The following CDH13 variants were observed in gnomAD, a reference collection of about 807,000 sequenced individuals.
CDH13 encodes the protein cadherin-13.
A neutral mutation model predicts 63.8 loss-of-function variants in CDH13; 24 were observed. That is an observed-to-expected ratio of 0.38 (90% CI 0.27 to 0.53). CDH13 has a LOEUF of 0.53. CDH13 is among the 20% of genes least tolerant of loss of function. The pLI is 0.85. For synonymous variants in CDH13, 503 were observed against 355.3 expected, an observed-to-expected ratio of 1.42 and a Z score of -4.67; for missense variants, 1,049 against 903.1, an observed-to-expected ratio of 1.16 and a Z score of -2.07.
At chr16:83,494,900 T>C (rs765075004) in intron 7 of CDH13, among the ~76,000 whole-genome samples, 1 of 152,234 alleles carries the variant, frequency 6.6e-6, no homozygotes, top group Admixed American at 6.5e-5. Context: ...ATCAACCTTA[T>C]TGGACATATG....
At chr16:83,391,936 C>T (rs555700159) in intron 6 of CDH13, among the ~76,000 whole-genome samples, 8 of 152,202 alleles carry the variant, frequency 5.3e-5, no homozygotes, top group African/African-American at 1.7e-4. Context: ...TTTTCTCCCC[C>T]ACCCAAAGAC....
intron 2 of CDH13, among the ~76,000 whole-genome samples, chr16:82,961,584 A>T: frequency 6.6e-6 from 1 of 151,588 alleles, no homozygotes; most frequent in Non-Finnish European, 1.5e-5. Context: ...AAAAAAAAAA[A>T]AAAAAAAAAA....
chr16:83,301,595 G>A (rs1222482762), intron 5 of CDH13, among the ~76,000 whole-genome samples: 4 of 152,216 alleles, frequency 2.6e-5, no homozygotes, highest in South Asian at 2.1e-4. Flanking sequence ...CTATCTTCTC[G>A]GATGTAAGAG....
At chr16:83,144,292 A>G (rs2036656150) in intron 4 of CDH13, among the ~76,000 whole-genome samples, 1 of 152,350 alleles carries the variant, frequency 6.6e-6, no homozygotes, top group African/African-American at 2.4e-5. Flanking sequence ...TCTTCCAAAT[A>G]GTTGAAGTTA....
chr16:83,445,134 T>A (rs2072637591), intron 6 of CDH13, among the ~76,000 whole-genome samples: 1 of 152,138 alleles, frequency 6.6e-6, no homozygotes, highest in African/African-American at 2.4e-5. Context: ...GTGACCTCCT[T>A]CCATGCCAGC....
intron 11 of CDH13, among the ~76,000 whole-genome samples, chr16:83,779,437 A>AAAAAAAT (rs1915360721): frequency 1.4e-5 from 2 of 147,082 alleles, no homozygotes; most frequent in Non-Finnish European, 3.0e-5. Context: ...AAAAAAAAAA[A>AAAAAAAT]AGTCTTATAT....
chr16:83,202,897 A>G (rs9319583), intron 4 of CDH13, among the ~76,000 whole-genome samples: 130,863 of 152,160 alleles, frequency 0.86, 58,359 homozygotes, highest in East Asian at 0.97. Context: ...AGACTCCAGA[A>G]GTGGGGAGGG....
rs150218916 is a variant in CDH13, at chr16:83,121,382, C to G, written c.367-4003C>G. 1.0e-3 allele frequency among the ~76,000 whole-genome samples: 156 copies of G among 152,324 alleles called. No individual in the cohort carries two copies. In the Middle Eastern group the frequency reaches 0.014, roughly 13 times the overall value. ...AATTGGAGCAGTTTGCATGCAACCT[C>G]TCTGAACTTTCTTCATTGATTAAGG... is the stretch of plus-strand genomic sequence containing the variant. On this transcript the variant is annotated intron_variant, in intron 3 of 13. Transcript: ENST00000567109.
chr16:83,324,804 G>A (rs1425896827), intron 5 of CDH13, among the ~76,000 whole-genome samples: 1 of 152,166 alleles, frequency 6.6e-6, no homozygotes, highest in Non-Finnish European at 1.5e-5. Flanking sequence ...CTCACTCTAG[G>A]CTGAACTATT....
chr16:82,803,706 G>A (rs1354490624), intron 1 of CDH13, among the ~76,000 whole-genome samples: 1 of 152,194 alleles, frequency 6.6e-6, no homozygotes, highest in Non-Finnish European at 1.5e-5. Flanking sequence ...ATTATGCTAA[G>A]TGAAATAAGA....
At chr16:83,565,383 C>CTTT (rs369127310) in intron 7 of CDH13, among the ~76,000 whole-genome samples, 26,830 of 130,572 alleles carry the variant, frequency 0.21, 3,207 homozygotes, top group Admixed American at 0.27. Context: ...TTCCACTGTT[C>CTTT]TTTTTTTTTT....
chr16:83,124,331 C>T (rs1012195193), intron 3 of CDH13, among the ~76,000 whole-genome samples: 1 of 152,152 alleles, frequency 6.6e-6, no homozygotes. Flanking sequence ...TAGGTGTGAG[C>T]CACCGCACCC....
chr16:83,450,561 C>G (rs764509053), intron 6 of CDH13, among the ~76,000 whole-genome samples: 1 of 152,054 alleles, frequency 6.6e-6, no homozygotes, highest in Non-Finnish European at 1.5e-5. Flanking sequence ...ATGTGAAAAT[C>G]AAGTTGTGTG....
chr16:82,918,286 A>G (rs867183468), intron 2 of CDH13, among the ~76,000 whole-genome samples: 55 of 152,326 alleles, frequency 3.6e-4, no homozygotes, highest in African/African-American at 1.2e-3. Flanking sequence ...GTTCACACCT[A>G]TGAAACTAGA....
chr16:83,164,527 C>T (rs552122111), intron 4 of CDH13, among the ~76,000 whole-genome samples: 9 of 152,102 alleles, frequency 5.9e-5, no homozygotes, highest in African/African-American at 2.2e-4. Flanking sequence ...TCAAAACCAG[C>T]CTGGCCAACA....
chr16:82,795,444 C>G (rs2036534964), intron 1 of CDH13, among the ~76,000 whole-genome samples: 1 of 152,212 alleles, frequency 6.6e-6, no homozygotes, highest in Non-Finnish European at 1.5e-5. Flanking sequence ...CGGGGAACCT[C>G]AAATTGTCAT....
At chr16:82,892,201 C>T (rs554431635) in intron 2 of CDH13, among the ~76,000 whole-genome samples, 1 of 152,128 alleles carries the variant, frequency 6.6e-6, no homozygotes, top group Non-Finnish European at 1.5e-5. Context: ...CTAATGCTGA[C>T]TTGAGGATTA....
chr16:82,810,186 T>G (rs569263147), intron 1 of CDH13, among the ~76,000 whole-genome samples: 426 of 152,324 alleles, frequency 2.8e-3, no homozygotes, highest in Non-Finnish European at 4.7e-3. Flanking sequence ...GAGACAACAT[T>G]TTGAATCTGT....
chr16:83,006,468 G>T (rs1913508025), intron 2 of CDH13, among the ~76,000 whole-genome samples: 1 of 151,984 alleles, frequency 6.6e-6, no homozygotes, highest in Non-Finnish European at 1.5e-5. Context: ...CAAATCAAAG[G>T]CTAAGCCTGA....
Sources: gnomAD v4.1 joint callset for allele counts (sites outside exome capture counted in the v4.1 genomes callset) on GRCh38, gnomAD v4.1.1 for gene constraint, MANE v1.5 for transcripts, NCBI Gene and HGNC (gene_info 2026-07-23, HGNC 2026-07-21) for gene names.